PIP5K1B: variants seen among roughly 807,000 people sequenced by gnomAD.
The protein encoded by PIP5K1B is phosphatidylinositol-4-phosphate 5-kinase type 1 beta.
A neutral mutation model predicts 67.0 loss-of-function variants in PIP5K1B; 42 were observed. That is an observed-to-expected ratio of 0.63 (90% CI 0.49 to 0.81). The LOEUF (loss-of-function observed/expected upper bound fraction) is 0.81. PIP5K1B is among the 30% of genes least tolerant of loss of function. The pLI, the probability that PIP5K1B is intolerant of heterozygous loss-of-function variation, is 0.00. For missense variants in PIP5K1B, 459 were observed against 646.3 expected (o/e 0.71, Z 3.14); for synonymous variants, 214 against 231.4 (o/e 0.92, Z 0.68).
At chr9:68,732,462 G>A (rs879403176) in intron 1 of PIP5K1B, among the ~76,000 whole-genome samples, 4 of 152,048 alleles carry the variant, frequency 2.6e-5, no homozygotes, top group East Asian at 1.9e-4. Context: ...CTCTTCCCAC[G>A]TCTAACTTGT....
chr9:68,954,570 CA>C (rs1587714911), intron 14 of PIP5K1B, among the ~76,000 whole-genome samples: 1 of 152,124 alleles, frequency 6.6e-6, no homozygotes, highest in Non-Finnish European at 1.5e-5. Flanking sequence ...TGTGTGTGGA[CA>C]AGTTGAAAAG....
At chr9:68,743,906 G>C (rs986171709) in intron 2 of PIP5K1B, among the ~76,000 whole-genome samples, 4 of 152,258 alleles carry the variant, frequency 2.6e-5, no homozygotes, top group Non-Finnish European at 2.9e-5. Flanking sequence ...TGAATGTACC[G>C]GGAATCCTGT....
intron 5 of PIP5K1B, among the ~76,000 whole-genome samples, chr9:68,866,348 T>G (rs1271185129): frequency 6.6e-6 from 1 of 151,736 alleles, no homozygotes; most frequent in Admixed American, 6.6e-5. Flanking sequence ...ATAATAATAT[T>G]GTGTAAAATG....
rs554012182 is a variant in PIP5K1B at position 68,804,127 on chromosome 9, G to A, written c.-85-14334G>A. ...TTGACTTTGAGCATAAAGGGAGTGG[G>A]ATGATGCCGCAGCCAGGAGGGAGCA... is the stretch of plus-strand genomic sequence containing the variant. On this transcript the variant is annotated intron_variant, in intron 2 of 15. Transcript: ENST00000265382. 2.8e-4 allele frequency among the ~76,000 whole-genome samples: 43 copies of A among 152,290 alleles called. 1 individual carries two copies. The highest frequency in any genetic ancestry group is 2.7e-3 in the South Asian group (13 of 4,824).
chr9:68,729,705 T>C (rs914186683), intron 1 of PIP5K1B, among the ~76,000 whole-genome samples: 5 of 152,106 alleles, frequency 3.3e-5, no homozygotes, highest in Admixed American at 6.6e-5. Flanking sequence ...TCATCCATAG[T>C]AATAGTAAAA....
intron 15 of PIP5K1B, among the ~76,000 whole-genome samples, chr9:68,995,904 A>G (rs573797474): frequency 6.6e-6 from 1 of 152,214 alleles, no homozygotes; most frequent in East Asian, 1.9e-4. Context: ...CTTTTGACAT[A>G]ATTTGAGTGC....
chr9:68,914,585 G>C (rs1826006998), intron 8 of PIP5K1B, among the ~76,000 whole-genome samples: 1 of 152,164 alleles, frequency 6.6e-6, no homozygotes, highest in South Asian at 2.1e-4. Context: ...CGTGGTGGCA[G>C]GCGCCTGTAG....
At chr9:68,939,947 G>A (rs1463949024) in intron 13 of PIP5K1B, among the ~76,000 whole-genome samples, 1 of 152,192 alleles carries the variant, frequency 6.6e-6, no homozygotes, top group Non-Finnish European at 1.5e-5. Context: ...AGACTCCAGA[G>A]AGATGGGCAG....
chr9:68,796,699 C>A (rs1587465768), intron 2 of PIP5K1B, among the ~76,000 whole-genome samples: 1 of 152,262 alleles, frequency 6.6e-6, no homozygotes, highest in East Asian at 1.9e-4. Context: ...AGTCAGTGAT[C>A]CTTACCATTG....
In PIP5K1B at chr9:68,792,472, GT is replaced by G. The variant is rs1832031851; in HGVS notation, c.-85-25986del. ...CACATGTGTTTTTTTGTTGTTGTTT[GT>G]TTGTTTGTTTGTTTGTTTGTTTTTG... On this transcript the variant is annotated intron_variant, in intron 2 of 15. Coordinates refer to ENST00000265382, the MANE Select transcript of PIP5K1B (RefSeq NM_003558.4). 6.6e-5 allele frequency among the ~76,000 whole-genome samples: 10 copies of G among 151,294 alleles called. 1 individual carries two copies. Among genetic ancestry groups the G allele is most frequent in the African/African-American group, 2.4e-4 (10 of 41,300 alleles).
At chr9:68,946,870 G>A (rs1340833971) in intron 14 of PIP5K1B, among the ~76,000 whole-genome samples, 1 of 152,142 alleles carries the variant, frequency 6.6e-6, no homozygotes. Context: ...TTACTTGCTC[G>A]TCATGTGCCT....
rs948643110 is a variant in PIP5K1B at position 68,937,663 on chromosome 9, C to T, written c.1357+2618C>T. 3.3e-5 allele frequency among the ~76,000 whole-genome samples: 5 copies of T among 152,092 alleles called. No individual in the cohort carries two copies. In the South Asian group the frequency reaches 1.0e-3, roughly 32 times the overall value. On this transcript the variant is annotated intron_variant, in intron 13 of 15. Coordinates refer to ENST00000265382, the MANE Select transcript of PIP5K1B (RefSeq NM_003558.4). ...TTCCGCTAGATTTTGAATTTGTTTGCTGTTGCTTCTCTAGTTCTTGTAATT... is the reference window on the plus strand; with the variant it reads ...TTCCGCTAGATTTTGAATTTGTTTGTTGTTGCTTCTCTAGTTCTTGTAATT...
intron 4 of PIP5K1B, among the ~76,000 whole-genome samples, chr9:68,856,617 A>G (rs1371747578): frequency 6.6e-6 from 1 of 152,102 alleles, no homozygotes; most frequent in Non-Finnish European, 1.5e-5. Flanking sequence ...TCTTTCCCCC[A>G]CTAGACTAGA....
At chr9:68,715,708 A>G (rs994889081) in intron 1 of PIP5K1B, among the ~76,000 whole-genome samples, 6 of 152,176 alleles carry the variant, frequency 3.9e-5, no homozygotes, top group Non-Finnish European at 7.3e-5. Flanking sequence ...GTAAATGAAT[A>G]CCAATACTTC....
chr9:68,905,303 A>C (rs559188127), intron 8 of PIP5K1B, among the ~76,000 whole-genome samples: 1 of 152,160 alleles, frequency 6.6e-6, no homozygotes, highest in South Asian at 2.1e-4. Context: ...GATGGTAGCA[A>C]CTCTGGCTTT....
At chr9:68,954,476 C>T (rs1435559823) in intron 14 of PIP5K1B, among the ~76,000 whole-genome samples, 1 of 152,150 alleles carries the variant, frequency 6.6e-6, no homozygotes, top group African/African-American at 2.4e-5. Flanking sequence ...ACCTACAATT[C>T]CTGACTCCTT....
chr9:68,799,267 A>G (rs1446090619), intron 2 of PIP5K1B, among the ~76,000 whole-genome samples: 1 of 152,244 alleles, frequency 6.6e-6, no homozygotes, highest in Non-Finnish European at 1.5e-5. Flanking sequence ...CTCTATCTGT[A>G]GTACATACCT....
At chr9:68,834,831 T>C (rs1276995088) in intron 4 of PIP5K1B, among the ~76,000 whole-genome samples, 1 of 152,198 alleles carries the variant, frequency 6.6e-6, no homozygotes, top group African/African-American at 2.4e-5. Flanking sequence ...ATTTGAAAGT[T>C]GGCTCTTAAT....
chr9:68,795,607 G>GT (rs1371860427), intron 2 of PIP5K1B, among the ~76,000 whole-genome samples: 2 of 152,140 alleles, frequency 1.3e-5, no homozygotes, highest in Non-Finnish European at 2.9e-5. Flanking sequence ...ACAGAAATCT[G>GT]TGATATGTGT....
Sources: gnomAD v4.1 joint callset for allele counts (sites outside exome capture counted in the v4.1 genomes callset) on GRCh38, gnomAD v4.1.1 for gene constraint, MANE v1.5 for transcripts, NCBI Gene and HGNC (gene_info 2026-07-23, HGNC 2026-07-21) for gene names.